HOMER2: variants seen among roughly 807,000 people sequenced by gnomAD.
HOMER2 encodes homer scaffold protein 2.
A neutral mutation model predicts 47.0 loss-of-function variants in HOMER2; 27 were observed. That is an observed-to-expected ratio of 0.57 (90% CI 0.42 to 0.79). The LOEUF (loss-of-function observed/expected upper bound fraction) is 0.79, where lower values mean the gene tolerates loss of function less well. HOMER2 is among the 30% of genes least tolerant of loss of function. HOMER2 has a pLI of 0.00. For synonymous variants in HOMER2, 161 were observed against 163.8 expected (o/e 0.98, Z 0.13); for missense variants, 443 against 435.0 (o/e 1.02, Z -0.16).
downstream of HOMER2, among the ~76,000 whole-genome samples, chr15:82,847,415 C>T (rs189095995): frequency 1.5e-4 from 23 of 152,344 alleles, no homozygotes; most frequent in African/African-American, 5.5e-4. Flanking sequence ...GTTGCAACAG[C>T]TGTAGAGCTG....
At chr15:82,964,175 AT>A (rs2151253008) in intron 1 of HOMER2, among the ~76,000 whole-genome samples, 1 of 152,276 alleles carries the variant, frequency 6.6e-6, no homozygotes, top group South Asian at 2.1e-4. Flanking sequence ...ACCAACTATA[AT>A]TGTCAGAGCT....
intron 1 of HOMER2, among the ~76,000 whole-genome samples, chr15:82,938,510 G>C (rs568207389): frequency 6.6e-6 from 1 of 151,970 alleles, no homozygotes; most frequent in Non-Finnish European, 1.5e-5. Context: ...TCTAGTTGCC[G>C]CCTGCCTCCA....
chr15:82,957,580 T>C (rs1161121933), upstream of HOMER2, among the ~76,000 whole-genome samples: 1 of 152,164 alleles, frequency 6.6e-6, no homozygotes, highest in South Asian at 2.1e-4. Flanking sequence ...GAGCCCTCCA[T>C]AGATTCAGGA....
intron 1 of HOMER2, among the ~76,000 whole-genome samples, chr15:82,930,805 C>G (rs1410253622): frequency 1.3e-5 from 2 of 152,170 alleles, no homozygotes; most frequent in African/African-American, 2.4e-5. Context: ...GAGGGTAGAT[C>G]ACTTGAGGTC....
chr15:82,955,914 G>T (rs1309792828), upstream of HOMER2, among the ~76,000 whole-genome samples: 2 of 152,064 alleles, frequency 1.3e-5, no homozygotes, highest in Admixed American at 1.3e-4. Flanking sequence ...GAGGAGGATG[G>T]TCAGGAATGG....
At chr15:82,879,167 C>A (rs1447959112) in intron 2 of HOMER2, among the ~76,000 whole-genome samples, 1 of 152,150 alleles carries the variant, frequency 6.6e-6, no homozygotes, top group African/African-American at 2.4e-5. Flanking sequence ...ATTCTCCTTC[C>A]TTTCATCTAT....
intron 1 of HOMER2, among the ~76,000 whole-genome samples, chr15:82,945,129 G>C (rs1456940998): frequency 6.6e-6 from 1 of 150,584 alleles, no homozygotes. Flanking sequence ...ATTACCCAAT[G>C]TTAATTGTGA....
chr15:82,950,772 G>A (rs914561247), intron 1 of HOMER2, among the ~76,000 whole-genome samples: 12 of 152,104 alleles, frequency 7.9e-5, no homozygotes, highest in Admixed American at 2.0e-4. Flanking sequence ...ATCCCCAAGC[G>A]TCTCCTCCCT....
Position 82,897,261 on chromosome 15 carries a change from T to G in HOMER2, c.6-4420A>C, listed in dbSNP as rs891357489. On this transcript the variant is annotated intron_variant, in intron 1 of 8. Coordinates refer to ENST00000450735, the MANE Select transcript of HOMER2 (RefSeq NM_004839.4). Reference sequence around the variant, plus strand: ...TTGTATTTTTAGTAGAGACGGGGTTTCACCATCTTGGCCAGGCTGGTCTTG... The same window carrying G: ...TTGTATTTTTAGTAGAGACGGGGTTGCACCATCTTGGCCAGGCTGGTCTTG... 2.0e-5 allele frequency among the ~76,000 whole-genome samples: 3 copies of G among 151,990 alleles called. No homozygotes were observed. In the East Asian group the frequency reaches 5.8e-4, roughly 29 times the overall value.
At chr15:82,872,154 G>A (rs1186047162) in intron 3 of HOMER2, among the ~76,000 whole-genome samples, 3 of 152,118 alleles carry the variant, frequency 2.0e-5, no homozygotes, top group African/African-American at 4.8e-5. Context: ...CCTCACCAAG[G>A]ACCACTTCAG....
At chr15:82,959,485 G>A (rs1205039308) in intron 1 of HOMER2, among the ~76,000 whole-genome samples, 1 of 152,228 alleles carries the variant, frequency 6.6e-6, no homozygotes, top group African/African-American at 2.4e-5. Flanking sequence ...AGAAGAACTT[G>A]AAAGGGCCGG....
chr15:82,967,724 A>G (rs1034342236), intron 1 of HOMER2, among the ~76,000 whole-genome samples: 1 of 152,126 alleles, frequency 6.6e-6, no homozygotes, highest in African/African-American at 2.4e-5. Context: ...TAAAAATACA[A>G]AAATTAGCTG....
intron 3 of HOMER2, among the ~76,000 whole-genome samples, chr15:82,872,753 A>G (rs1409695419): frequency 6.6e-6 from 1 of 152,212 alleles, no homozygotes; most frequent in Admixed American, 6.5e-5. Flanking sequence ...CCCTGTGGAC[A>G]AACCCCGAAC....
intron 1 of HOMER2, among the ~76,000 whole-genome samples, chr15:82,918,291 T>G (rs552681311): frequency 6.6e-6 from 1 of 152,246 alleles, no homozygotes; most frequent in South Asian, 2.1e-4. Context: ...GTACAGATAC[T>G]CAGGCCACGG....
intron 1 of HOMER2, among the ~76,000 whole-genome samples, chr15:82,903,285 G>C (rs1039757396): frequency 1.8e-4 from 27 of 152,122 alleles, no homozygotes; most frequent in African/African-American, 5.8e-4. Context: ...TTCCAGTTCA[G>C]CACGTGAAGA....
chr15:82,972,398 C>A (rs2030024624), intron 1 of HOMER2, among the ~76,000 whole-genome samples: 1 of 152,202 alleles, frequency 6.6e-6, no homozygotes, highest in Admixed American at 6.5e-5. Flanking sequence ...GTGTCTGTTG[C>A]AGGCCATGGC....
At chr15:82,845,261 C>CACACACAT (rs1159583287), downstream of HOMER2, 2 of 145,232 alleles carry the variant, frequency 1.4e-5, no homozygotes, top group Non-Finnish European at 3.1e-5. Flanking sequence ...CACACACACA[C>CACACACAT]GCGTGCGCAC....
chr15:82,959,585 T>C (rs1363652471), intron 1 of HOMER2, among the ~76,000 whole-genome samples: 1 of 152,214 alleles, frequency 6.6e-6, no homozygotes. Context: ...TGGCTGAACA[T>C]TAAAATCACT....
chr15:82,882,212 G>A (rs1567032610), intron 2 of HOMER2, among the ~76,000 whole-genome samples: 1 of 150,574 alleles, frequency 6.6e-6, no homozygotes, highest in Non-Finnish European at 1.5e-5. Context: ...GACAACCCAA[G>A]GTTTGGGTCC....
Sources: gnomAD v4.1 joint callset for allele counts (sites outside exome capture counted in the v4.1 genomes callset) on GRCh38, gnomAD v4.1.1 for gene constraint, MANE v1.5 for transcripts, NCBI Gene and HGNC (gene_info 2026-07-23, HGNC 2026-07-21) for gene names.